JAKMIP2: variants seen among roughly 807,000 people sequenced by gnomAD.
JAKMIP2 encodes the protein janus kinase and microtubule-interacting protein 2.
A neutral mutation model predicts 115.0 loss-of-function variants in JAKMIP2; 25 were observed. The observed-to-expected ratio is 0.22, with a 90% CI of 0.16 to 0.30. The LOEUF is 0.30. Among genes scored for constraint, JAKMIP2 ranks in the 10% least tolerant of loss-of-function variants. The probability of loss-of-function intolerance (pLI) is 1.00; values close to 1 mark genes in which losing one functional copy is unlikely to be tolerated. For synonymous variants in JAKMIP2, 334 were observed against 343.6 expected, an observed-to-expected ratio of 0.97 and a Z score of 0.31; for missense variants, 642 against 957.6, an observed-to-expected ratio of 0.67 and a Z score of 4.35.
At chr5:147,716,611 T>C (rs1054906810) in intron 1 of JAKMIP2, among the ~76,000 whole-genome samples, 16 of 152,108 alleles carry the variant, frequency 1.1e-4, no homozygotes, top group African/African-American at 3.6e-4. Context: ...ATGAGCATTT[T>C]TTCATGTGTT....
intron 1 of JAKMIP2, among the ~76,000 whole-genome samples, chr5:147,731,222 A>G (rs980635522): frequency 1.3e-5 from 2 of 152,146 alleles, no homozygotes; most frequent in Non-Finnish European, 2.9e-5. Flanking sequence ...CATAAAAGGC[A>G]CTGCTTGGAA....
intron 3 of JAKMIP2, among the ~76,000 whole-genome samples, chr5:147,653,987 T>C (rs919725871): frequency 2.0e-5 from 3 of 152,208 alleles, no homozygotes; most frequent in African/African-American, 7.2e-5. Context: ...TCATTGCTTG[T>C]TTTTGTCAGG....
At chr5:147,648,534 T>C in intron 4 of JAKMIP2, 60 bp from the exon 5 acceptor site, 2 of 889,216 alleles carry the variant, frequency 2.2e-6, no homozygotes, top group East Asian at 2.4e-5. Context: ...AGTTTGGGAA[T>C]ATCACTTATT....
chr5:147,719,832 C>G (rs377064112), intron 1 of JAKMIP2, among the ~76,000 whole-genome samples: 1 of 151,950 alleles, frequency 6.6e-6, no homozygotes, highest in Non-Finnish European at 1.5e-5. Context: ...TTAATTGGAG[C>G]ATTTAGTCCA....
chr5:147,661,020 C>A lies in JAKMIP2; in HGVS notation c.555G>T (p.Arg185=). 6.2e-7 allele frequency: 1 copy of A among 1,614,010 alleles called. No individual in the cohort carries two copies. The highest frequency in any genetic ancestry group is 1.1e-5 in the South Asian group (1 of 91,054). ...QADKIKAGDL[R]SEHQSHQEAI... ...CTTCTTGGTGGGACTGATGCTCACT[C>A]CGAAGGTCCCCAGCCTTGATTTTAT... Residue 185 remains arginine, a synonymous_variant, in exon 3 of 22, where the codon CGG becomes CGT. Transcript: ENST00000616793.
At chr5:147,699,278 C>A (rs1752233033) in intron 1 of JAKMIP2, among the ~76,000 whole-genome samples, 1 of 152,038 alleles carries the variant, frequency 6.6e-6, no homozygotes, top group Non-Finnish European at 1.5e-5. Context: ...CAGTTGTGTT[C>A]AAGTAAGTCA....
chr5:147,675,994 A>G (rs1759929379), intron 1 of JAKMIP2, among the ~76,000 whole-genome samples: 1 of 152,130 alleles, frequency 6.6e-6, no homozygotes, highest in South Asian at 2.1e-4. Context: ...AGGCTTCTAC[A>G]GAAGCTGCCA....
intron 1 of JAKMIP2, among the ~76,000 whole-genome samples, chr5:147,675,291 G>GGCT (rs1759876980): frequency 6.6e-6 from 1 of 152,058 alleles, no homozygotes; most frequent in East Asian, 1.9e-4. Context: ...AAGCATCACA[G>GGCT]GAAGTTATTG....
intron 1 of JAKMIP2, among the ~76,000 whole-genome samples, chr5:147,711,204 C>A (rs1182115139): frequency 2.0e-5 from 3 of 152,156 alleles, no homozygotes; most frequent in African/African-American, 7.2e-5. Context: ...TAAGGGGAAA[C>A]ATTCATCTAA....
chr5:147,750,428 T>A (rs1754505818), intron 1 of JAKMIP2, among the ~76,000 whole-genome samples: 1 of 152,134 alleles, frequency 6.6e-6, no homozygotes, highest in Non-Finnish European at 1.5e-5. Context: ...TATACTCACT[T>A]ATTTAGAGAC....
At chr5:147,717,284 C>T (rs1309364743) in intron 1 of JAKMIP2, among the ~76,000 whole-genome samples, 1 of 134,760 alleles carries the variant, frequency 7.4e-6, no homozygotes, top group South Asian at 2.6e-4. Flanking sequence ...TAGTGTGATG[C>T]CTCCAGCTTT....
At chr5:147,685,719 C>T (rs1276799108) in intron 1 of JAKMIP2, among the ~76,000 whole-genome samples, 2 of 152,108 alleles carry the variant, frequency 1.3e-5, no homozygotes, top group Non-Finnish European at 2.9e-5. Context: ...TAAACTTCAA[C>T]ATAATGTGAT....
intron 14 of JAKMIP2, 122 bp downstream of exon 14, chr5:147,631,290 TA>T (rs1757336890): frequency 1.7e-6 from 1 of 584,346 alleles, no homozygotes; most frequent in East Asian, 2.9e-5. Context: ...AATTCCTACA[TA>T]GTTTGTATCA....
At chr5:147,623,482 C>T in intron 17 of JAKMIP2, 139 bp downstream of exon 17, 5 of 490,736 alleles carry the variant, frequency 1.0e-5, no homozygotes, top group African/African-American at 4.0e-5. Flanking sequence ...AATTTTTTTT[C>T]CATCTTCTGT....
intron 1 of JAKMIP2, among the ~76,000 whole-genome samples, chr5:147,780,689 C>T (rs564789342): frequency 6.6e-6 from 1 of 152,142 alleles, no homozygotes; most frequent in African/African-American, 2.4e-5. Context: ...CACCAAGGGC[C>T]CTTCTCATGT....
chr5:147,762,388 C>T (rs1345262271), intron 1 of JAKMIP2, among the ~76,000 whole-genome samples: 1 of 152,072 alleles, frequency 6.6e-6, no homozygotes, highest in African/African-American at 2.4e-5. Flanking sequence ...GCCAGGGCTA[C>T]CATAACAAAA....
At chr5:147,600,271 T>G (rs1755630127) in intron 21 of JAKMIP2, among the ~76,000 whole-genome samples, 2 of 152,014 alleles carry the variant, frequency 1.3e-5, no homozygotes, top group Non-Finnish European at 2.9e-5. Context: ...AGACAAAGGA[T>G]AGTGGTCAAT....
At chr5:147,681,697 G>A (rs2126833851) in intron 1 of JAKMIP2, among the ~76,000 whole-genome samples, 1 of 152,202 alleles carries the variant, frequency 6.6e-6, no homozygotes, top group Admixed American at 6.5e-5. Flanking sequence ...ACAGAGGACA[G>A]GAGATGGGCA....
intron 1 of JAKMIP2, among the ~76,000 whole-genome samples, chr5:147,776,326 A>G (rs1755554674): frequency 6.6e-6 from 1 of 152,054 alleles, no homozygotes; most frequent in African/African-American, 2.4e-5. Context: ...CATGGTATTG[A>G]GTAAGTTCTC....
Sources: gnomAD v4.1 joint callset for allele counts (sites outside exome capture counted in the v4.1 genomes callset) on GRCh38, gnomAD v4.1.1 for gene constraint, MANE v1.5 for transcripts, NCBI Gene and HGNC (gene_info 2026-07-23, HGNC 2026-07-21) for gene names.